The following ATP6V1H variants were observed in gnomAD, a reference collection of about 807,000 sequenced individuals.
ATP6V1H encodes ATPase H+ transporting V1 subunit H, also known as V-type proton ATPase subunit H.
In ATP6V1H, 39 loss-of-function variants were observed where a neutral mutation model predicts 71.7. That is an observed-to-expected ratio of 0.54 (90% CI 0.42 to 0.71). The LOEUF is 0.71. Among genes scored for constraint, ATP6V1H ranks in the 30% least tolerant of loss-of-function variants. The probability of loss-of-function intolerance (pLI) is 0.00; values close to 1 mark genes in which losing one functional copy is unlikely to be tolerated. For missense variants in ATP6V1H, 509 were observed against 594.9 expected, an observed-to-expected ratio of 0.86 and a Z score of 1.50; for synonymous variants, 192 against 199.3, an observed-to-expected ratio of 0.96 and a Z score of 0.31.
intron 9 of ATP6V1H, among the ~76,000 whole-genome samples, chr8:53,789,349 C>T (rs1487837918): frequency 1.3e-5 from 2 of 152,104 alleles, no homozygotes; most frequent in Non-Finnish European, 2.9e-5. Flanking sequence ...TTTTGCTGGG[C>T]TTTAGATTAA....
intron 4 of ATP6V1H, among the ~76,000 whole-genome samples, chr8:53,818,653 C>A (rs1472731203): frequency 1.3e-5 from 2 of 152,136 alleles, no homozygotes; most frequent in Non-Finnish European, 2.9e-5. Flanking sequence ...AGAAATCTTT[C>A]CGGTCAGGTA....
intron 11 of ATP6V1H, among the ~76,000 whole-genome samples, chr8:53,763,652 T>C (rs1236164846): frequency 6.6e-6 from 1 of 151,878 alleles, no homozygotes; most frequent in Non-Finnish European, 1.5e-5. Context: ...CAGTTTCTGG[T>C]ACAGCATGTA....
At chr8:53,755,705 TATATATATATATATATATATATATATATA>T (rs1808001101) in intron 12 of ATP6V1H, among the ~76,000 whole-genome samples, 1 of 3,626 alleles carries the variant, frequency 2.8e-4, no homozygotes, top group African/African-American at 1.0e-3. Flanking sequence ...TATATATATA[TATATATATATATATATATATATATATATA>T]TATATATATA....
intron 8 of ATP6V1H, 41 bp from the exon 9 acceptor site, chr8:53,795,880 T>C: frequency 6.5e-7 from 1 of 1,541,060 alleles, no homozygotes; most frequent in Non-Finnish European, 8.8e-7. Context: ...TTACAAAACA[T>C]TTAGAAAGAA....
intron 8 of ATP6V1H, among the ~76,000 whole-genome samples, chr8:53,798,610 A>AACAC (rs59831761): frequency 0.037 from 5,518 of 148,514 alleles, 106 homozygotes; most frequent in Non-Finnish European, 0.047. Context: ...CAATGTGAGA[A>AACAC]ACACACACAC....
At chr8:53,812,099 G>A (rs778344016) in intron 6 of ATP6V1H, among the ~76,000 whole-genome samples, 2 of 152,058 alleles carry the variant, frequency 1.3e-5, no homozygotes, top group African/African-American at 4.8e-5. Flanking sequence ...TTTTTAAAAC[G>A]AAGAGTCTGA....
At chr8:53,722,474 A>G (rs1404477329) in intron 13 of ATP6V1H, among the ~76,000 whole-genome samples, 1 of 152,212 alleles carries the variant, frequency 6.6e-6, no homozygotes, top group African/African-American at 2.4e-5. Context: ...AGGACTTCTA[A>G]TAAGAACGTT....
rs1232323546 is a variant in ATP6V1H at position 53,781,941 on chromosome 8, T to C, written c.871-9774A>G. Among the ~76,000 whole-genome samples the C allele has an allele frequency of 7.9e-5, 12 of 152,382 alleles. No individual in the cohort carries two copies. In the East Asian group the frequency reaches 2.1e-3, roughly 27 times the overall value. The stretch of plus-strand genomic sequence containing the variant: ...CAGTACCATGCTGTTTTGGTTACTA[T>C]AGCCTTGTAGTATAGTTTGAAGTCA... On this transcript the variant is annotated intron_variant, in intron 9 of 13. Coordinates refer to ENST00000359530, the MANE Select transcript of ATP6V1H (RefSeq NM_015941.4).
At chr8:53,726,961 T>A (rs1806832851) in intron 13 of ATP6V1H, among the ~76,000 whole-genome samples, 1 of 152,238 alleles carries the variant, frequency 6.6e-6, no homozygotes, top group African/African-American at 2.4e-5. Flanking sequence ...AAACACTTAT[T>A]CGGCATGAAT....
chr8:53,817,477 G>A lies in ATP6V1H; in HGVS notation c.360C>T (p.Asn120=). The change falls in exon 5 of 14, where the codon AAC becomes AAT. Residue 120 remains asparagine, a synonymous_variant. Coordinates refer to ENST00000359530, the MANE Select transcript of ATP6V1H (RefSeq NM_015941.4). ...TTGGCAGAAAGTAGGGCCACGCAGT[G>A]TTCTTGCTACATCTTGCATAGTCAA... ...IFFDYARCSK[N]TAWPYFLPML... 1 of 1,613,508 alleles carries A rather than the reference G, an allele frequency of 6.2e-7. No homozygotes were observed. Among genetic ancestry groups the A allele is most frequent in the South Asian group, 1.1e-5 (1 of 91,054 alleles).
intron 12 of ATP6V1H, among the ~76,000 whole-genome samples, chr8:53,754,225 G>A (rs1028876827): frequency 1.3e-5 from 2 of 151,994 alleles, no homozygotes; most frequent in African/African-American, 4.8e-5. Context: ...AGGCTTATTG[G>A]GAAACAAAGA....
intron 5 of ATP6V1H, among the ~76,000 whole-genome samples, chr8:53,816,279 G>A (rs73680316): frequency 6.6e-6 from 1 of 151,986 alleles, no homozygotes; most frequent in Non-Finnish European, 1.5e-5. Flanking sequence ...AATGTTTCAC[G>A]GCCAGTGGCC....
intron 12 of ATP6V1H, among the ~76,000 whole-genome samples, chr8:53,752,386 C>T (rs1209917928): frequency 1.3e-5 from 2 of 152,154 alleles, no homozygotes; most frequent in African/African-American, 4.8e-5. Flanking sequence ...TGATGAAGTG[C>T]TGAGCTGGGC....
intron 13 of ATP6V1H, among the ~76,000 whole-genome samples, chr8:53,732,068 C>G (rs1313207718): frequency 1.3e-5 from 2 of 152,236 alleles, no homozygotes; most frequent in African/African-American, 4.8e-5. Context: ...TGATCACCCA[C>G]AGTGTGCCTT....
At chr8:53,779,877 G>A (rs543753799) in intron 9 of ATP6V1H, among the ~76,000 whole-genome samples, 15 of 151,958 alleles carry the variant, frequency 9.9e-5, no homozygotes, top group African/African-American at 3.1e-4. Context: ...AGATATTGTC[G>A]GCTGGACTTG....
intron 12 of ATP6V1H, among the ~76,000 whole-genome samples, chr8:53,744,641 C>T (rs868551752): frequency 1.3e-4 from 20 of 151,898 alleles, no homozygotes; most frequent in African/African-American, 4.6e-4. Flanking sequence ...AGATGGGGGT[C>T]GGAGTGAGAG....
intron 1 of ATP6V1H, 27 bp downstream of exon 1, chr8:53,843,007 G>A (rs559429448): frequency 6.6e-6 from 1 of 152,480 alleles, no homozygotes; most frequent in Non-Finnish European, 1.5e-5. Context: ...TGCAGCCTGA[G>A]ACCAAACAAC....
At chr8:53,733,761 G>A (rs1807107143) in intron 13 of ATP6V1H, among the ~76,000 whole-genome samples, 1 of 152,166 alleles carries the variant, frequency 6.6e-6, no homozygotes, top group African/African-American at 2.4e-5. Context: ...CACAAAGGGA[G>A]GCGACCACGA....
chr8:53,793,074 C>T (rs1292869590), intron 9 of ATP6V1H, among the ~76,000 whole-genome samples: 3 of 152,180 alleles, frequency 2.0e-5, no homozygotes, highest in Admixed American at 1.3e-4. Context: ...AGAGTTCCTA[C>T]ACATCAAATT....
Sources: allele counts gnomAD v4.1 joint callset (sites outside exome capture counted in the v4.1 genomes callset), GRCh38; gene constraint gnomAD v4.1.1; transcripts MANE v1.5; gene names NCBI Gene and HGNC (gene_info 2026-07-23, HGNC 2026-07-21).